Variants in NAALADL2 observed in about 807,000 individuals in gnomAD.
NAALADL2 encodes the protein N-acetylated alpha-linked acidic dipeptidase like 2, also known as inactive N-acetylated-alpha-linked acidic dipeptidase-like protein 2.
Under a neutral mutation model 87.2 loss-of-function variants are expected in NAALADL2, and 76 were observed. The observed-to-expected ratio is 0.87, with a 90% CI of 0.72 to 1.05. NAALADL2 has a LOEUF of 1.05. Among genes scored for constraint, NAALADL2 ranks in the 50% least tolerant of loss-of-function variants. The probability of loss-of-function intolerance (pLI) is 0.00; values close to 1 mark genes in which losing one functional copy is unlikely to be tolerated. For synonymous variants in NAALADL2, 354 were observed against 331.0 expected (o/e 1.07, Z -0.75); for missense variants, 1,089 against 945.8 (o/e 1.15, Z -1.99).
chr3:174,467,695 A>G (rs1358990668), intron 1 of NAALADL2, among the ~76,000 whole-genome samples: 4 of 151,746 alleles, frequency 2.6e-5, no homozygotes, highest in Non-Finnish European at 5.9e-5. Flanking sequence ...CTATATAGCT[A>G]TATAAAATGA....
chr3:174,863,556 ATTCTAT>A (rs1726772185), intron 1 of NAALADL2, among the ~76,000 whole-genome samples: 1 of 150,712 alleles, frequency 6.6e-6, no homozygotes, highest in Non-Finnish European at 1.5e-5. Context: ...AATGGCACTA[ATTCTAT>A]TTAAAATAAG....
intron 3 of NAALADL2, among the ~76,000 whole-genome samples, chr3:174,787,600 T>TATATATATATATATATATATACACACAC (rs1553855412): frequency 1.5e-5 from 1 of 68,474 alleles, no homozygotes; most frequent in Non-Finnish European, 3.4e-5. Context: ...TATATATATA[T>TATATATATATATATATATATACACACAC]ATATATATAT....
intron 2 of NAALADL2, among the ~76,000 whole-genome samples, chr3:175,131,940 G>GCGGC (rs1728017614): frequency 8.2e-6 from 1 of 121,614 alleles, no homozygotes; most frequent in South Asian, 2.8e-4. Flanking sequence ...CCCAGTAGGG[G>GCGGC]TGGCCGGGCA....
chr3:174,701,783 T>C (rs1729573540), intron 2 of NAALADL2, among the ~76,000 whole-genome samples: 1 of 152,168 alleles, frequency 6.6e-6, no homozygotes, highest in South Asian at 2.1e-4. Flanking sequence ...TTGTTCCTTT[T>C]TTATTGTTGA....
chr3:175,131,970 G>A lies in NAALADL2; in HGVS notation c.545+34679G>A, dbSNP rs1435337380. Among the ~76,000 whole-genome samples the A allele has an allele frequency of 1.7e-5, 2 of 120,930 alleles. 1 individual carries two copies. The highest frequency in any genetic ancestry group is 6.3e-5 in the African/African-American group (2 of 31,528). 79.3% of individuals were successfully genotyped at this position (120,930 alleles called of 152,430 possible). ...CGGGCAGAGGCGCCCCTCACCTCCCGGACGGGGCAGCTGGCCGGGAGGGGG... is the reference window on the plus strand; with the variant it reads ...CGGGCAGAGGCGCCCCTCACCTCCCAGACGGGGCAGCTGGCCGGGAGGGGG... On this transcript the variant is annotated intron_variant, in intron 2 of 13. Transcript: ENST00000454872.
At chr3:174,770,690 A>G (rs1235572652) in intron 3 of NAALADL2, among the ~76,000 whole-genome samples, 3 of 152,052 alleles carry the variant, frequency 2.0e-5, no homozygotes, top group African/African-American at 4.8e-5. Flanking sequence ...TGTACAAAAA[A>G]TTAGCTGGGC....
intron 4 of NAALADL2, among the ~76,000 whole-genome samples, chr3:175,305,889 C>T (rs1162918926): frequency 9.9e-5 from 15 of 152,080 alleles, no homozygotes; most frequent in Non-Finnish European, 4.4e-5. Context: ...TCTAGTTTAA[C>T]ATTTTTATAT....
chr3:175,784,436 G>T (rs1198282656), intron 13 of NAALADL2, among the ~76,000 whole-genome samples: 4 of 144,972 alleles, frequency 2.8e-5, no homozygotes, highest in East Asian at 4.1e-4. Flanking sequence ...TCTTGGGAGA[G>T]TGTATGTGTC....
rs114385039 is a variant in NAALADL2 at position 175,297,676 on chromosome 3, A to G, written c.940-26499A>G. 9.9e-3 allele frequency among the ~76,000 whole-genome samples: 1,512 copies of G among 152,238 alleles called. 31 individuals are homozygous for G. Among genetic ancestry groups the G allele is most frequent in the African/African-American group, 0.034 (1,424 of 41,546 alleles). ...ATTTTTAAATTGCTCTGTGTTGCTT[A>G]TGGACTGCCATTACAGCCCATACTG... On this transcript the variant is annotated intron_variant, in intron 4 of 13. Coordinates refer to ENST00000454872, the MANE Select transcript of NAALADL2 (RefSeq NM_207015.3).
chr3:174,783,683 G>T (rs564815927), intron 3 of NAALADL2, among the ~76,000 whole-genome samples: 1 of 151,914 alleles, frequency 6.6e-6, no homozygotes, highest in Non-Finnish European at 1.5e-5. Flanking sequence ...TTTCTTAAGC[G>T]GCCATATTTG....
chr3:175,121,114 C>T (rs1047544369), intron 2 of NAALADL2, among the ~76,000 whole-genome samples: 1 of 151,654 alleles, frequency 6.6e-6, no homozygotes, highest in African/African-American at 2.4e-5. Context: ...TTTCTCTGAT[C>T]CTGACTGAAG....
chr3:175,791,548 A>C (rs912868157), intron 13 of NAALADL2, among the ~76,000 whole-genome samples: 4 of 152,176 alleles, frequency 2.6e-5, no homozygotes, highest in Non-Finnish European at 4.4e-5. Flanking sequence ...GTGGCAGAGC[A>C]GAAGTAGAGG....
rs1210715444 is a variant in NAALADL2, at chr3:175,667,225, AAG to A, written c.1896+39841_1896+39842del. 1.1e-3 allele frequency among the ~76,000 whole-genome samples: 138 copies of A among 124,566 alleles called. 2 individuals carry two copies. The Middle Eastern group carries it at 0.022, about 20-fold the overall frequency. The allele number at this position is 124,566 out of a possible 152,430, so 81.7% of individuals were successfully genotyped here. On this transcript the variant is annotated intron_variant, in intron 11 of 13. Transcript: ENST00000454872. ...AAAGAAAGAAAGAAAGAAAGAAAGA[AAG>A]AAAGAAAGAAAGAAAAAGAAAGAAA...
At position 175,097,010 on chromosome 3, in the gene NAALADL2, A is replaced by G; in HGVS notation, c.264A>G (p.Gln88=). Residue 88 remains glutamine, a synonymous_variant, in exon 2 of 14, where the codon CAA becomes CAG. Transcript: ENST00000454872. ...TAGACCTCAATCTTGATTCCATTCA[A>G]CCAGCAACTTCACCCAAAGGAAGGT... ...ETIDLNLDSI[Q]PATSPKGRFQ... is the part of the protein sequence containing the mutation. 1 of 1,613,604 alleles carries G rather than the reference A, an allele frequency of 6.2e-7. No individual in the cohort carries two copies. Among genetic ancestry groups the G allele is most frequent in the Non-Finnish European group, 8.5e-7 (1 of 1,179,702 alleles).
chr3:175,763,099 T>C (rs955593274), intron 13 of NAALADL2, among the ~76,000 whole-genome samples: 5 of 151,652 alleles, frequency 3.3e-5, no homozygotes, highest in Admixed American at 3.3e-4. Context: ...AATAAATAAA[T>C]AAATAAATAA....
chr3:175,621,811 C>T (rs1560865501), intron 10 of NAALADL2, among the ~76,000 whole-genome samples: 2 of 152,042 alleles, frequency 1.3e-5, no homozygotes, highest in Non-Finnish European at 2.9e-5. Context: ...GGGAGTTGAG[C>T]ATCTGTTTTG....
intron 4 of NAALADL2, among the ~76,000 whole-genome samples, chr3:175,300,280 G>A (rs894790231): frequency 2.0e-5 from 3 of 152,110 alleles, no homozygotes; most frequent in Admixed American, 6.6e-5. Context: ...CTAGGTTTTC[G>A]TATCAGGATG....
At chr3:175,793,612 G>A (rs879944029) in intron 13 of NAALADL2, among the ~76,000 whole-genome samples, 5 of 151,814 alleles carry the variant, frequency 3.3e-5, no homozygotes, top group Non-Finnish European at 5.9e-5. Flanking sequence ...ACTGCACCTG[G>A]CCCAAAGCAG....
intron 3 of NAALADL2, among the ~76,000 whole-genome samples, chr3:174,846,194 A>T (rs1418926792): frequency 6.6e-6 from 1 of 152,110 alleles, no homozygotes. Context: ...CTCCAATCTG[A>T]TCCCTGCAGG....
Sources: gnomAD v4.1 joint callset for allele counts (sites outside exome capture counted in the v4.1 genomes callset) on GRCh38, gnomAD v4.1.1 for gene constraint, MANE v1.5 for transcripts, NCBI Gene and HGNC (gene_info 2026-07-23, HGNC 2026-07-21) for gene names.